KCND2: variants seen among roughly 807,000 people sequenced by gnomAD.
KCND2 encodes A-type voltage-gated potassium channel KCND2.
A neutral mutation model predicts 54.4 loss-of-function variants in KCND2; 16 were observed. That is an observed-to-expected ratio of 0.29 (90% CI 0.20 to 0.45). KCND2 has a LOEUF of 0.45. Among genes scored for constraint, KCND2 ranks in the 20% least tolerant of loss-of-function variants. The pLI is 1.00. For missense variants in KCND2, 486 were observed against 824.2 expected, an observed-to-expected ratio of 0.59 and a Z score of 5.02; for synonymous variants, 317 against 310.7, an observed-to-expected ratio of 1.02 and a Z score of -0.21.
Position 120,370,074 on chromosome 7 carries a change from T to C in KCND2, c.1115+94327T>C, listed in dbSNP as rs77178824. Among the ~76,000 whole-genome samples the C allele has an allele frequency of 1.9e-3, 282 of 152,008 alleles. 9 individuals are homozygous for C. The East Asian group carries it at 0.048, about 26-fold the overall frequency. Reference sequence around the variant, plus strand: ...TGGTCTGTTTGCCTTCCTATGAAGATGACATGTGGATAAAGATGTGAAGAA... The same window carrying C: ...TGGTCTGTTTGCCTTCCTATGAAGACGACATGTGGATAAAGATGTGAAGAA... On this transcript the variant is annotated intron_variant, in intron 1 of 5. Coordinates refer to ENST00000331113, the MANE Select transcript of KCND2 (RefSeq NM_012281.3).
intron 1 of KCND2, among the ~76,000 whole-genome samples, chr7:120,490,939 C>T (rs1802769996): frequency 6.6e-6 from 1 of 152,022 alleles, no homozygotes; most frequent in South Asian, 2.1e-4. Context: ...AAAGTACTTC[C>T]CCCAGAGGTC....
rs764733428 is a variant in KCND2, at chr7:120,742,627, C to T, written c.1467+25C>T. On this transcript the variant is annotated intron_variant, in intron 4 of 5. Coordinates refer to ENST00000331113, the MANE Select transcript of KCND2 (RefSeq NM_012281.3). ...GGTAAGGAGACAGCATGACTGCCTT[C>T]CCTTGCTCTCTGACAGTAATTCCAT... 3.2e-6 allele frequency: 5 copies of T among 1,545,036 alleles called. No homozygotes were observed. The South Asian group carries it at 4.5e-5, about 14-fold the overall frequency.
intron 1 of KCND2, among the ~76,000 whole-genome samples, chr7:120,338,766 G>T (rs1300010598): frequency 1.3e-5 from 2 of 151,916 alleles, no homozygotes; most frequent in African/African-American, 4.8e-5. Flanking sequence ...ATAGTTATTT[G>T]GTTTATTTGG....
rs144005412 is a variant in KCND2 at position 120,449,917 on chromosome 7, T to C, written c.1115+174170T>C. 7.2e-3 allele frequency among the ~76,000 whole-genome samples: 1,090 copies of C among 152,340 alleles called. 15 individuals carry two copies. The highest frequency in any genetic ancestry group is 0.034 in the Admixed American group (516 of 15,300). ...ATCACTGCGATCACTCTTTATAATA[T>C]GAAATATTGAAGAGAACAAATTGAT... On this transcript the variant is annotated intron_variant, in intron 1 of 5. Transcript: ENST00000331113.
chr7:120,301,592 C>A (rs1417419567), intron 1 of KCND2, among the ~76,000 whole-genome samples: 3 of 151,802 alleles, frequency 2.0e-5, no homozygotes, highest in Non-Finnish European at 4.4e-5. Context: ...ATGAATATTG[C>A]CACATTGTTG....
intron 1 of KCND2, among the ~76,000 whole-genome samples, chr7:120,617,521 A>C (rs1793042880): frequency 6.6e-6 from 1 of 152,214 alleles, no homozygotes. Context: ...AGTAACAGGA[A>C]TGCTTATACA....
chr7:120,286,660 C>T (rs1799349796), intron 1 of KCND2, among the ~76,000 whole-genome samples: 2 of 151,742 alleles, frequency 1.3e-5, no homozygotes, highest in Admixed American at 1.3e-4. Context: ...AAAGGAATTT[C>T]CTATTTAGAA....
In KCND2 at chr7:120,530,176, AAG is replaced by A. The variant is rs1562865074; in HGVS notation, c.1116-202724_1116-202723del. Among the ~76,000 whole-genome samples, 3 of 152,328 alleles carry A rather than the reference AAG, an allele frequency of 2.0e-5. No homozygotes were observed. In the South Asian group the frequency reaches 6.2e-4, roughly 32 times the overall value. ...CTTAATTGTACATTTTTAAATAACT[AAG>A]AGTATAATTGGATTCTTATAACACA... On this transcript the variant is annotated intron_variant, in intron 1 of 5. Transcript: ENST00000331113.
chr7:120,565,462 G>T (rs1222751710), intron 1 of KCND2, among the ~76,000 whole-genome samples: 1 of 152,106 alleles, frequency 6.6e-6, no homozygotes, highest in Admixed American at 6.5e-5. Flanking sequence ...ATGATGGCAA[G>T]GCCTTATCAG....
chr7:120,737,056 ACACACACACACACACACAC>A (rs1792879575), intron 2 of KCND2, among the ~76,000 whole-genome samples: 1 of 145,204 alleles, frequency 6.9e-6, no homozygotes, highest in African/African-American at 2.6e-5. Context: ...ACACACACAC[ACACACACACACACACACAC>A]AAACAAAAAA....
chr7:120,439,265 T>G (rs573568273), intron 1 of KCND2, among the ~76,000 whole-genome samples: 74 of 152,204 alleles, frequency 4.9e-4, no homozygotes, highest in Non-Finnish European at 9.9e-4. Context: ...TGGTTTTCAC[T>G]CAGAATATCT....
chr7:120,443,078 C>CGT (rs1801965989), intron 1 of KCND2, among the ~76,000 whole-genome samples: 1 of 151,936 alleles, frequency 6.6e-6, no homozygotes, highest in Non-Finnish European at 1.5e-5. Flanking sequence ...TCATGAACAA[C>CGT]CTAAGAAATG....
chr7:120,688,711 A>G (rs1186765295), intron 1 of KCND2, among the ~76,000 whole-genome samples: 2 of 152,204 alleles, frequency 1.3e-5, no homozygotes, highest in African/African-American at 4.8e-5. Context: ...TTGTTTCAAG[A>G]TTCTTCCATC....
intron 1 of KCND2, among the ~76,000 whole-genome samples, chr7:120,494,767 C>G (rs1802827399): frequency 6.6e-6 from 1 of 152,044 alleles, no homozygotes; most frequent in South Asian, 2.1e-4. Context: ...GTGTTCTGGA[C>G]TAATGCATCT....
At chr7:120,410,825 C>G (rs1801439108) in intron 1 of KCND2, among the ~76,000 whole-genome samples, 1 of 151,772 alleles carries the variant, frequency 6.6e-6, no homozygotes, top group African/African-American at 2.4e-5. Flanking sequence ...TAATAGTTTG[C>G]TCCAAATGAT....
intron 1 of KCND2, among the ~76,000 whole-genome samples, chr7:120,576,518 G>GA (rs1467933439): frequency 1.3e-5 from 1 of 74,298 alleles, no homozygotes; most frequent in Non-Finnish European, 4.7e-5. Flanking sequence ...CACAGAGCAT[G>GA]AAAATTTTTA....
chr7:120,622,713 T>A lies in KCND2; in HGVS notation c.1116-110190T>A, dbSNP rs866699831. 2.2e-3 allele frequency among the ~76,000 whole-genome samples: 287 copies of A among 133,256 alleles called. 1 individual carries two copies. Among genetic ancestry groups the A allele is most frequent in the African/African-American group, 3.9e-3 (144 of 36,598 alleles). The allele number at this position is 133,256 out of a possible 152,430, so 87.4% of individuals were successfully genotyped here. A position where few individuals can be genotyped will look rare whatever the true frequency, so the allele number is the denominator to read the frequency against. On this transcript the variant is annotated intron_variant, in intron 1 of 5. Coordinates refer to ENST00000331113, the MANE Select transcript of KCND2 (RefSeq NM_012281.3). ...CACTCTCTCTCTCTCTCTCTCTCTC[T>A]CTCACACACACACACACACACACAA...
At chr7:120,447,752 T>TG (rs1563049094) in intron 1 of KCND2, among the ~76,000 whole-genome samples, 2 of 152,342 alleles carry the variant, frequency 1.3e-5, no homozygotes, top group Non-Finnish European at 2.9e-5. Flanking sequence ...ATTAGTATTC[T>TG]CAAATGAATA....
intron 1 of KCND2, among the ~76,000 whole-genome samples, chr7:120,633,051 T>G (rs182568824): frequency 6.6e-6 from 1 of 152,322 alleles, no homozygotes; most frequent in East Asian, 1.9e-4. Context: ...GATCAACCAT[T>G]GTTAATCACA....
Sources: gnomAD v4.1 joint callset for allele counts (sites outside exome capture counted in the v4.1 genomes callset) on GRCh38, gnomAD v4.1.1 for gene constraint, MANE v1.5 for transcripts, NCBI Gene and HGNC (gene_info 2026-07-23, HGNC 2026-07-21) for gene names.